The following MYT1L variants were observed in gnomAD, a reference collection of about 807,000 sequenced individuals.
MYT1L encodes myelin transcription factor 1-like protein.
In MYT1L, 12 loss-of-function variants were observed where a neutral mutation model predicts 126.7. The ratio of observed to expected loss-of-function variants is 0.09; its 90% CI spans 0.06 to 0.15. MYT1L has a LOEUF of 0.15. Among genes scored for constraint, MYT1L ranks in the 10% least tolerant of loss-of-function variants. MYT1L has a pLI of 1.00. For synonymous variants in MYT1L, 541 were observed against 604.2 expected (o/e 0.90, Z 1.53); for missense variants, 979 against 1,585.2 (o/e 0.62, Z 6.49).
At chr2:2,208,000 A>C (rs1268068487) in intron 2 of MYT1L, among the ~76,000 whole-genome samples, 1 of 152,014 alleles carries the variant, frequency 6.6e-6, no homozygotes, top group Non-Finnish European at 1.5e-5. Context: ...AATCCACTCC[A>C]TGCCCCACTC....
At chr2:2,136,746 TA>T (rs1159857962) in intron 3 of MYT1L, among the ~76,000 whole-genome samples, 2 of 152,124 alleles carry the variant, frequency 1.3e-5, no homozygotes, top group Non-Finnish European at 2.9e-5. Context: ...TGAATTGGCA[TA>T]AACTGGAAGC....
At chr2:2,183,426 C>T (rs536724445) in intron 2 of MYT1L, among the ~76,000 whole-genome samples, 10 of 152,274 alleles carry the variant, frequency 6.6e-5, no homozygotes, top group African/African-American at 2.4e-4. Context: ...GAGCCTGGAA[C>T]CAAGCCATCC....
At position 2,119,948 on chromosome 2, in the gene MYT1L, G is replaced by A. The variant is rs982333687; in HGVS notation, c.-304+52924C>T. On this transcript the variant is annotated intron_variant, in intron 3 of 24. Transcript: ENST00000647738. ...AGAGAAAAGAAATATGTATGTGTGC[G>A]AGTGAGGGTGTGTGCCTGTTTAAGA... Among the ~76,000 whole-genome samples, 10 of 152,216 alleles carry A rather than the reference G, an allele frequency of 6.6e-5. No homozygotes were observed. The East Asian group carries it at 1.2e-3, about 18-fold the overall frequency.
At chr2:1,850,033 AGG>A (rs144095840) in intron 19 of MYT1L, among the ~76,000 whole-genome samples, 16 of 117,974 alleles carry the variant, frequency 1.4e-4, no homozygotes, top group Non-Finnish European at 2.1e-4. Flanking sequence ...CGGGGTGGTG[AGG>A]GGGGGGCCAT....
chr2:1,980,448 C>T (rs1474747717), intron 5 of MYT1L, among the ~76,000 whole-genome samples: 1 of 151,912 alleles, frequency 6.6e-6, no homozygotes, highest in Non-Finnish European at 1.5e-5. Context: ...CAGGGGCGCG[C>T]TCTCAATGTT....
Position 1,792,871 on chromosome 2 carries a change from CA to C in MYT1L, c.3277-408del, listed in dbSNP as rs55682787. Among the ~76,000 whole-genome samples the C allele has an allele frequency of 1.0e-3, 76 of 76,298 alleles. 4 individuals carry two copies. The East Asian group carries it at 0.029, about 29-fold the overall frequency. 50.1% of individuals were successfully genotyped at this position (76,298 alleles called of 152,430 possible). On this transcript the variant is annotated intron_variant, in intron 23 of 24. Coordinates refer to ENST00000647738, the MANE Select transcript of MYT1L (RefSeq NM_001303052.2). ...GGTGACAGACCGAGATTCCGTCTCA[CA>C]AAAAAAAAAAAAAAAAGGAAAAGAA... is the stretch of plus-strand genomic sequence containing the variant.
chr2:1,807,880 A>G (rs1408501419), intron 22 of MYT1L, among the ~76,000 whole-genome samples: 1 of 152,170 alleles, frequency 6.6e-6, no homozygotes, highest in Non-Finnish European at 1.5e-5. Context: ...TATAGTTCCC[A>G]TAACCTCCAC....
chr2:1,906,085 A>T (rs541443218), intron 13 of MYT1L, among the ~76,000 whole-genome samples: 71 of 152,258 alleles, frequency 4.7e-4, no homozygotes, highest in African/African-American at 1.7e-3. Context: ...CTTTTTTATG[A>T]TTCACTGAAA....
intron 1 of MYT1L, among the ~76,000 whole-genome samples, chr2:2,323,324 A>G (rs1387863379): frequency 1.3e-5 from 2 of 152,216 alleles, no homozygotes; most frequent in Non-Finnish European, 2.9e-5. Flanking sequence ...CTCTTTAGAA[A>G]AAAAGCTTAA....
chr2:1,984,269 C>T (rs2060834184), intron 5 of MYT1L, among the ~76,000 whole-genome samples: 1 of 152,158 alleles, frequency 6.6e-6, no homozygotes, highest in Non-Finnish European at 1.5e-5. Flanking sequence ...GTCACCCAGG[C>T]TGGAGTACAG....
At chr2:2,263,463 C>A (rs759533870) in intron 2 of MYT1L, among the ~76,000 whole-genome samples, 1 of 152,108 alleles carries the variant, frequency 6.6e-6, no homozygotes, top group South Asian at 2.1e-4. Flanking sequence ...GCGCAGATGA[C>A]CTTTTGGATG....
chr2:1,989,021 ATAT>A (rs1248012505), intron 5 of MYT1L, among the ~76,000 whole-genome samples: 2 of 152,082 alleles, frequency 1.3e-5, no homozygotes, highest in East Asian at 1.9e-4. Flanking sequence ...ATAATACCAA[ATAT>A]TATATTAGCC....
rs148206902 is a variant in MYT1L at position 2,116,443 on chromosome 2, T to A, written c.-304+56429A>T. Among the ~76,000 whole-genome samples the A allele has an allele frequency of 3.1e-3, 470 of 152,350 alleles. 7 individuals are homozygous for A. Among genetic ancestry groups the A allele is most frequent in the African/African-American group, 5.7e-3 (237 of 41,588 alleles). On this transcript the variant is annotated intron_variant, in intron 3 of 24. Transcript: ENST00000647738. ...ACAGTGATGACTTGAATTCTCAGGC[T>A]AGCAAACCTTGGAATCATGAGCAAA...
chr2:2,069,028 T>A (rs770299054), intron 3 of MYT1L, among the ~76,000 whole-genome samples: 1 of 152,040 alleles, frequency 6.6e-6, no homozygotes, highest in African/African-American at 2.4e-5. Flanking sequence ...GTAAAACTTT[T>A]AGAAAAACAC....
intron 3 of MYT1L, among the ~76,000 whole-genome samples, chr2:2,163,822 C>A (rs1208657767): frequency 1.3e-5 from 2 of 151,948 alleles, no homozygotes; most frequent in African/African-American, 4.8e-5. Context: ...TGAATGGATT[C>A]TTTGCCTCAA....
intron 4 of MYT1L, among the ~76,000 whole-genome samples, chr2:2,041,035 T>TA (rs2067471617): frequency 6.6e-6 from 1 of 152,244 alleles, no homozygotes; most frequent in Non-Finnish European, 1.5e-5. Flanking sequence ...TCTGGAAAGA[T>TA]ACATTTGTTT....
intron 3 of MYT1L, among the ~76,000 whole-genome samples, chr2:2,119,505 T>C (rs2080682355): frequency 6.6e-6 from 1 of 152,222 alleles, no homozygotes; most frequent in Admixed American, 6.5e-5. Context: ...ATTTGAATTC[T>C]AAAACAAGTT....
chr2:2,023,986 C>T (rs2065286142), intron 4 of MYT1L, among the ~76,000 whole-genome samples: 1 of 152,108 alleles, frequency 6.6e-6, no homozygotes, highest in African/African-American at 2.4e-5. Flanking sequence ...TGCCAGCTTG[C>T]TTTCTTTATA....
chr2:2,182,723 G>A (rs2091670985), intron 2 of MYT1L, among the ~76,000 whole-genome samples: 1 of 152,130 alleles, frequency 6.6e-6, no homozygotes, highest in African/African-American at 2.4e-5. Context: ...GTCTCCCTTT[G>A]GGTTTTGGGG....
Sources: gnomAD v4.1 joint callset for allele counts (sites outside exome capture counted in the v4.1 genomes callset) on GRCh38, gnomAD v4.1.1 for gene constraint, MANE v1.5 for transcripts, NCBI Gene and HGNC (gene_info 2026-07-23, HGNC 2026-07-21) for gene names.